MAD1L1: variants seen among roughly 807,000 people sequenced by gnomAD.
MAD1L1 encodes the protein mitotic arrest deficient 1 like 1.
A neutral mutation model predicts 96.9 loss-of-function variants in MAD1L1; 95 were observed. The ratio of observed to expected loss-of-function variants is 0.98; its 90% CI spans 0.83 to 1.16. The LOEUF (loss-of-function observed/expected upper bound fraction) is 1.16. Ranked by LOEUF, MAD1L1 falls within the 50% of genes most tolerant of loss-of-function variation. MAD1L1 has a pLI of 0.00. For missense variants in MAD1L1, 1,007 were observed against 954.4 expected (o/e 1.06, Z -0.73); for synonymous variants, 473 against 396.6 (o/e 1.19, Z -2.29).
At chr7:1,938,766 A>G (rs1266489027) in intron 16 of MAD1L1, among the ~76,000 whole-genome samples, 30 of 143,358 alleles carry the variant, frequency 2.1e-4, no homozygotes, top group Non-Finnish European at 2.6e-4. Flanking sequence ...ACACACACAC[A>G]CACGCACGCA....
chr7:1,932,607 CTG>C (rs1365113329), intron 17 of MAD1L1, among the ~76,000 whole-genome samples: 3 of 152,256 alleles, frequency 2.0e-5, no homozygotes, highest in Non-Finnish European at 4.4e-5. Context: ...CAAGTGACCT[CTG>C]TGTTTCTTCT....
intron 18 of MAD1L1, among the ~76,000 whole-genome samples, chr7:1,873,924 G>A (rs1442438059): frequency 2.0e-5 from 3 of 152,176 alleles, no homozygotes; most frequent in East Asian, 1.9e-4. Flanking sequence ...GGGAGGAAGC[G>A]TGGAGCACAC....
chr7:2,055,238 G>A (rs926736754), intron 12 of MAD1L1, among the ~76,000 whole-genome samples: 2 of 152,184 alleles, frequency 1.3e-5, no homozygotes, highest in East Asian at 1.9e-4. Flanking sequence ...GTGTCCTCTC[G>A]GAGGCAGACA....
chr7:2,162,872 C>T (rs55662744), intron 10 of MAD1L1, among the ~76,000 whole-genome samples: 26,299 of 133,736 alleles, frequency 0.2, 2,420 homozygotes, highest in Middle Eastern at 0.32. Flanking sequence ...GGAGTTTCAT[C>T]TTTTTTTTTT....
intron 12 of MAD1L1, among the ~76,000 whole-genome samples, chr7:2,026,795 C>T (rs1207598456): frequency 1.3e-5 from 2 of 152,132 alleles, no homozygotes; most frequent in Admixed American, 6.5e-5. Flanking sequence ...ACTAAATTGA[C>T]AACCTTAAAT....
At chr7:2,098,839 G>A (rs1168753479) in intron 11 of MAD1L1, among the ~76,000 whole-genome samples, 1 of 152,238 alleles carries the variant, frequency 6.6e-6, no homozygotes, top group Non-Finnish European at 1.5e-5. Flanking sequence ...GGCCCAAGGG[G>A]AAATGGAGGA....
chr7:2,129,502 G>A (rs1170416659), intron 11 of MAD1L1, among the ~76,000 whole-genome samples: 1 of 152,212 alleles, frequency 6.6e-6, no homozygotes, highest in Non-Finnish European at 1.5e-5. Context: ...CAGTGACGAG[G>A]ACGCGAGGAA....
chr7:1,897,167 G>GGCTGAATCAGACAGGCAGCGGCTCACC (rs11275492), intron 18 of MAD1L1, among the ~76,000 whole-genome samples: 47,516 of 151,644 alleles, frequency 0.31, 8,553 homozygotes, highest in African/African-American at 0.5. Flanking sequence ...GCCGGGCTAA[G>GGCTGAATCAGACAGGCAGCGGCTCACC]GCTGAATCAG....
At chr7:2,054,980 C>T (rs1311835256) in intron 12 of MAD1L1, among the ~76,000 whole-genome samples, 2 of 152,170 alleles carry the variant, frequency 1.3e-5, no homozygotes, top group African/African-American at 4.8e-5. Context: ...CAGGAGGAGC[C>T]GAGCGGTGGG....
intron 14 of MAD1L1, among the ~76,000 whole-genome samples, chr7:1,995,534 C>T (rs973518236): frequency 2.0e-5 from 3 of 152,128 alleles, no homozygotes; most frequent in East Asian, 1.9e-4. Flanking sequence ...GATGGAAGGG[C>T]GGGCGCAGGA....
At chr7:2,154,882 C>T (rs766396620) in intron 10 of MAD1L1, among the ~76,000 whole-genome samples, 43 of 152,240 alleles carry the variant, frequency 2.8e-4, no homozygotes, top group Non-Finnish European at 4.1e-4. Context: ...GGAAGCATTC[C>T]GGCGCCCTCT....
intron 18 of MAD1L1, among the ~76,000 whole-genome samples, chr7:1,892,940 G>A (rs1786640911): frequency 6.6e-6 from 1 of 152,234 alleles, no homozygotes; most frequent in Non-Finnish European, 1.5e-5. Flanking sequence ...CGTAACAGAA[G>A]GCTTCCTTCC....
intron 11 of MAD1L1, among the ~76,000 whole-genome samples, chr7:2,096,864 G>A (rs1786518666): frequency 6.6e-6 from 1 of 152,152 alleles, no homozygotes; most frequent in Admixed American, 6.5e-5. Context: ...GCTGGCCCAG[G>A]CGTGGGCCCC....
chr7:2,029,028 G>T (rs1316595146), intron 12 of MAD1L1, among the ~76,000 whole-genome samples: 2 of 152,084 alleles, frequency 1.3e-5, no homozygotes, highest in Non-Finnish European at 2.9e-5. Context: ...TCTTAAACAG[G>T]ACACACACAA....
chr7:2,011,584 G>A (rs1034704490), intron 13 of MAD1L1, among the ~76,000 whole-genome samples: 27 of 152,276 alleles, frequency 1.8e-4, no homozygotes, highest in African/African-American at 6.0e-4. Flanking sequence ...ACCTGGTCCC[G>A]CTGAGGCAGA....
intron 18 of MAD1L1, among the ~76,000 whole-genome samples, chr7:1,886,626 A>G (rs935715469): frequency 1.3e-5 from 2 of 152,236 alleles, no homozygotes; most frequent in Non-Finnish European, 2.9e-5. Flanking sequence ...CTCTGCTCTC[A>G]ACACTTCCAG....
chr7:1,969,144 G>A lies in MAD1L1; in HGVS notation c.1505+11309C>T, dbSNP rs570155802. On this transcript the variant is annotated intron_variant, in intron 15 of 18. Transcript: ENST00000265854. ...CCCGCCTGTAATCCCAGCACTTTGG[G>A]AGGCCGAGGTGAGTGGATCACCTGA... is the stretch of plus-strand genomic sequence containing the variant. Among the ~76,000 whole-genome samples the A allele has an allele frequency of 1.5e-4, 23 of 152,316 alleles. No individual in the cohort carries two copies. In the South Asian group the frequency reaches 4.3e-3, roughly 29 times the overall value.
intron 14 of MAD1L1, among the ~76,000 whole-genome samples, chr7:1,996,669 A>G (rs1163024770): frequency 6.6e-6 from 1 of 152,224 alleles, no homozygotes; most frequent in Non-Finnish European, 1.5e-5. Flanking sequence ...TGCTGTAGCC[A>G]CGGCCCTTGG....
At chr7:1,929,778 T>TC (rs1351423138) in intron 17 of MAD1L1, among the ~76,000 whole-genome samples, 16 of 72,686 alleles carry the variant, frequency 2.2e-4, no homozygotes, top group East Asian at 4.5e-4. Context: ...CCTCGCCCCG[T>TC]CCCCACTGCC....
Sources: gnomAD v4.1 joint callset for allele counts (sites outside exome capture counted in the v4.1 genomes callset) on GRCh38, gnomAD v4.1.1 for gene constraint, MANE v1.5 for transcripts, NCBI Gene and HGNC (gene_info 2026-07-23, HGNC 2026-07-21) for gene names.